The following AGBL4 variants were observed in gnomAD, a reference collection of about 807,000 sequenced individuals.
AGBL4 encodes cytosolic carboxypeptidase 6.
In AGBL4, 58 loss-of-function variants were observed where a neutral mutation model predicts 66.4. The observed-to-expected ratio is 0.87, with a 90% CI of 0.71 to 1.09. The LOEUF (loss-of-function observed/expected upper bound fraction) is 1.09. Among genes scored for constraint, AGBL4 ranks in the 50% least tolerant of loss-of-function variants. The pLI, the probability that AGBL4 is intolerant of heterozygous loss-of-function variation, is 0.00. For synonymous variants in AGBL4, 234 were observed against 222.9 expected (o/e 1.05, Z -0.44); for missense variants, 579 against 631.0 (o/e 0.92, Z 0.88).
Position 49,356,299 on chromosome 1 carries a change from A to G in AGBL4, c.283-110435T>C, listed in dbSNP as rs1644018840. Among the ~76,000 whole-genome samples, 3 of 152,202 alleles carry G rather than the reference A, an allele frequency of 2.0e-5. No homozygotes were observed. In the South Asian group the frequency reaches 6.2e-4, roughly 32 times the overall value. ...TAAAAAGGAAGAGAACTTGCTTTCTAACTCCTGCCTTGTTGGATGTTCTGA... is the reference window on the plus strand; with the variant it reads ...TAAAAAGGAAGAGAACTTGCTTTCTGACTCCTGCCTTGTTGGATGTTCTGA... On this transcript the variant is annotated intron_variant, in intron 3 of 13. Transcript: ENST00000371839.
chr1:49,458,363 G>C (rs1020951071), intron 3 of AGBL4, among the ~76,000 whole-genome samples: 1 of 151,704 alleles, frequency 6.6e-6, no homozygotes, highest in African/African-American at 2.4e-5. Context: ...GGTCACTGTT[G>C]CTGTATAGCA....
intron 11 of AGBL4, among the ~76,000 whole-genome samples, chr1:48,546,327 G>A (rs1205646098): frequency 1.3e-5 from 2 of 152,222 alleles, no homozygotes; most frequent in Middle Eastern, 3.2e-3. Flanking sequence ...TTTCTTGAGT[G>A]TAATCATAAA....
At chr1:48,636,955 T>C (rs1034710290) in intron 8 of AGBL4, among the ~76,000 whole-genome samples, 4 of 152,180 alleles carry the variant, frequency 2.6e-5, no homozygotes, top group Non-Finnish European at 5.9e-5. Flanking sequence ...ACGGTTTTAT[T>C]AAGAACCTTC....
At chr1:48,691,192 T>C (rs1038263703) in intron 6 of AGBL4, among the ~76,000 whole-genome samples, 43 of 148,804 alleles carry the variant, frequency 2.9e-4, no homozygotes, top group African/African-American at 5.9e-4. Context: ...TATGTGTGTA[T>C]ATATATATAT....
chr1:49,639,420 C>T lies in AGBL4; in HGVS notation c.282+57893G>A, dbSNP rs11807603. ...TAAGGGAAATAGAAAGTGAGCTTCT[C>T]TCACACTTTTATGTCTCAGAACCAC... is the stretch of plus-strand genomic sequence containing the variant. On this transcript the variant is annotated intron_variant, in intron 3 of 13. Transcript: ENST00000371839. 7.6e-3 allele frequency among the ~76,000 whole-genome samples: 1,164 copies of T among 152,286 alleles called. 15 individuals are homozygous for T. The highest frequency in any genetic ancestry group is 0.026 in the African/African-American group (1,093 of 41,558).
At chr1:49,566,332 G>T (rs563545943) in intron 3 of AGBL4, among the ~76,000 whole-genome samples, 2 of 152,192 alleles carry the variant, frequency 1.3e-5, no homozygotes. Flanking sequence ...GCTTTGTTCC[G>T]TTGCTGGTGA....
intron 2 of AGBL4, among the ~76,000 whole-genome samples, chr1:49,708,149 T>C (rs1177264666): frequency 2.0e-5 from 3 of 152,164 alleles, no homozygotes; most frequent in African/African-American, 2.4e-5. Context: ...AAGAGTGTTT[T>C]CCAACTTGGT....
chr1:49,605,282 G>A (rs974590999), intron 3 of AGBL4, among the ~76,000 whole-genome samples: 6 of 152,202 alleles, frequency 3.9e-5, no homozygotes, highest in Admixed American at 2.6e-4. Flanking sequence ...CCAAAGGAGC[G>A]GGTAGGTTGA....
At chr1:49,862,584 G>A (rs753308855) in intron 1 of AGBL4, among the ~76,000 whole-genome samples, 5 of 151,988 alleles carry the variant, frequency 3.3e-5, no homozygotes, top group African/African-American at 7.2e-5. Context: ...GGGTTACCTC[G>A]AGGCATTTAA....
chr1:49,754,839 C>A (rs11803146), intron 2 of AGBL4, among the ~76,000 whole-genome samples: 3,485 of 152,262 alleles, frequency 0.023, 144 homozygotes, highest in African/African-American at 0.079. Flanking sequence ...ACAGCAAATC[C>A]AAAATCTGCA....
intron 3 of AGBL4, among the ~76,000 whole-genome samples, chr1:49,418,261 G>T (rs1307321989): frequency 1.3e-5 from 2 of 152,148 alleles, no homozygotes; most frequent in Admixed American, 6.5e-5. Flanking sequence ...GTATAAGAAA[G>T]AAAGTAACAT....
intron 3 of AGBL4, among the ~76,000 whole-genome samples, chr1:49,570,822 G>A (rs926459734): frequency 3.3e-5 from 5 of 151,948 alleles, no homozygotes; most frequent in African/African-American, 9.7e-5. Flanking sequence ...AATCTTCCCA[G>A]TACCATTGAT....
downstream of AGBL4, among the ~76,000 whole-genome samples, chr1:48,532,575 C>T (rs2798112): frequency 0.31 from 47,449 of 152,078 alleles, 7,622 homozygotes; most frequent in East Asian, 0.36. Context: ...TCATCTTATG[C>T]AATCTGCCTC....
At chr1:49,489,708 A>G (rs1362800525) in intron 3 of AGBL4, among the ~76,000 whole-genome samples, 2 of 151,846 alleles carry the variant, frequency 1.3e-5, no homozygotes, top group African/African-American at 4.8e-5. Flanking sequence ...ATTGATTTTT[A>G]TATGGCAAGA....
At chr1:49,665,418 A>G (rs1646346122) in intron 3 of AGBL4, among the ~76,000 whole-genome samples, 1 of 152,138 alleles carries the variant, frequency 6.6e-6, no homozygotes, top group Non-Finnish European at 1.5e-5. Context: ...TCTCCTCTGT[A>G]AGACTGAGTT....
chr1:48,938,509 T>C (rs1655669706), intron 5 of AGBL4, among the ~76,000 whole-genome samples: 1 of 152,262 alleles, frequency 6.6e-6, no homozygotes, highest in African/African-American at 2.4e-5. Context: ...GGAGGTGACA[T>C]TTAAACGGGA....
chr1:49,809,022 G>C (rs565136340), intron 2 of AGBL4, among the ~76,000 whole-genome samples: 1 of 152,260 alleles, frequency 6.6e-6, no homozygotes, highest in East Asian at 1.9e-4. Flanking sequence ...TAGGCGGTTA[G>C]GCAATTGAAG....
intron 3 of AGBL4, among the ~76,000 whole-genome samples, chr1:49,299,488 A>G (rs1165813979): frequency 1.3e-5 from 2 of 152,230 alleles, no homozygotes; most frequent in Non-Finnish European, 2.9e-5. Flanking sequence ...AGTGTCAATG[A>G]AAACATGTTG....
intron 2 of AGBL4, among the ~76,000 whole-genome samples, chr1:49,825,902 C>G (rs1645496931): frequency 6.6e-6 from 1 of 151,864 alleles, no homozygotes; most frequent in African/African-American, 2.4e-5. Flanking sequence ...TCTGGAGAAC[C>G]CTGACAAACA....
Sources: allele counts gnomAD v4.1 joint callset (sites outside exome capture counted in the v4.1 genomes callset), GRCh38; gene constraint gnomAD v4.1.1; transcripts MANE v1.5; gene names NCBI Gene and HGNC (gene_info 2026-07-23, HGNC 2026-07-21).